Variants in PITPNC1 observed in about 807,000 individuals in gnomAD.
PITPNC1 encodes phosphatidylinositol transfer protein cytoplasmic 1, also known as cytoplasmic phosphatidylinositol transfer protein 1.
A neutral mutation model predicts 44.7 loss-of-function variants in PITPNC1; 18 were observed. The ratio of observed to expected loss-of-function variants is 0.40; its 90% CI spans 0.28 to 0.60. The LOEUF (loss-of-function observed/expected upper bound fraction) is 0.60, where lower values mean the gene tolerates loss of function less well. Ranked by LOEUF, PITPNC1 falls within the 20% of genes least tolerant of loss-of-function variation. The pLI is 0.39. For missense variants in PITPNC1, 290 were observed against 418.4 expected (o/e 0.69, Z 2.68); for synonymous variants, 141 against 149.6 (o/e 0.94, Z 0.42).
chr17:67,530,783 A>G (rs1192352202), intron 1 of PITPNC1, among the ~76,000 whole-genome samples: 2 of 152,198 alleles, frequency 1.3e-5, no homozygotes, highest in East Asian at 3.8e-4. Flanking sequence ...CCATCTGTAT[A>G]AGGTGGCATA....
intron 5 of PITPNC1, among the ~76,000 whole-genome samples, chr17:67,593,998 T>C (rs2041427264): frequency 6.6e-6 from 1 of 152,312 alleles, no homozygotes; most frequent in East Asian, 1.9e-4. Context: ...GGATTGCTCA[T>C]GACAGAGGAT....
chr17:67,524,011 C>T (rs1410244081), intron 1 of PITPNC1, among the ~76,000 whole-genome samples: 1 of 151,900 alleles, frequency 6.6e-6, no homozygotes, highest in Non-Finnish European at 1.5e-5. Context: ...GGGGTTTCAC[C>T]ATCTTGGCCA....
At chr17:67,431,885 C>T (rs565732323) in intron 1 of PITPNC1, among the ~76,000 whole-genome samples, 1 of 152,162 alleles carries the variant, frequency 6.6e-6, no homozygotes, top group African/African-American at 2.4e-5. Flanking sequence ...GTGTTTATTT[C>T]AGCAACATTT....
intron 1 of PITPNC1, among the ~76,000 whole-genome samples, chr17:67,427,378 T>C (rs1355300715): frequency 6.6e-6 from 1 of 151,776 alleles, no homozygotes; most frequent in African/African-American, 2.4e-5. Flanking sequence ...GCCCGGCTAA[T>C]TTTTTTTGTA....
intron 1 of PITPNC1, among the ~76,000 whole-genome samples, chr17:67,462,003 G>A (rs2039344403): frequency 6.6e-6 from 1 of 152,000 alleles, no homozygotes; most frequent in Non-Finnish European, 1.5e-5. Context: ...CCTGTTTCTG[G>A]AAGGGCTTCT....
chr17:67,441,021 T>C (rs1407896119), intron 1 of PITPNC1, among the ~76,000 whole-genome samples: 1 of 152,184 alleles, frequency 6.6e-6, no homozygotes, highest in Non-Finnish European at 1.5e-5. Flanking sequence ...TGTATCAGTC[T>C]TGGGTGCATC....
chr17:67,419,680 C>T (rs1030026908), intron 1 of PITPNC1, among the ~76,000 whole-genome samples: 3 of 152,152 alleles, frequency 2.0e-5, no homozygotes, highest in Admixed American at 6.5e-5. Flanking sequence ...CCGACGCAGG[C>T]GGATAACTTG....
intron 1 of PITPNC1, among the ~76,000 whole-genome samples, chr17:67,413,968 T>C (rs548139469): frequency 1.3e-5 from 2 of 152,198 alleles, no homozygotes; most frequent in Non-Finnish European, 2.9e-5. Flanking sequence ...GTATTGCTAC[T>C]TGATTGTAAA....
At chr17:67,504,573 C>T (rs1444533055) in intron 1 of PITPNC1, among the ~76,000 whole-genome samples, 1 of 152,186 alleles carries the variant, frequency 6.6e-6, no homozygotes, top group Non-Finnish European at 1.5e-5. Flanking sequence ...ACCTGGGAAA[C>T]GTTTTGACAA....
intron 1 of PITPNC1, among the ~76,000 whole-genome samples, chr17:67,479,296 A>C (rs988207883): frequency 3.9e-5 from 6 of 152,190 alleles, no homozygotes; most frequent in Non-Finnish European, 5.9e-5. Context: ...AGAGACAGAC[A>C]AGGGGGAGAA....
chr17:67,681,012 G>C (rs114682796), intron 8 of PITPNC1, among the ~76,000 whole-genome samples: 86 of 152,298 alleles, frequency 5.6e-4, no homozygotes, highest in African/African-American at 2.0e-3. Context: ...CATTGAATTA[G>C]AACAGAAGAC....
chr17:67,495,037 G>GTTTTTTTTTTTTTTTTTTTTTTTT (rs2039925221), intron 1 of PITPNC1, among the ~76,000 whole-genome samples: 4 of 79,402 alleles, frequency 5.0e-5, no homozygotes, highest in Admixed American at 1.7e-4. Context: ...GAGCCATGGA[G>GTTTTTTTTTTTTTTTTTTTTTTTT]TTGTTTTTTT....
In PITPNC1 at chr17:67,692,696, C is replaced by T. The variant is rs1320278243; in HGVS notation, c.807C>T (p.Arg269=). 2 of 1,613,866 alleles carry T rather than the reference C, an allele frequency of 1.2e-6. No homozygotes were observed. ...TCCCCCTGCTGCCTTCTTCCGTCCG[C>T]AGTGCGCCTTCTAGTGCTCCATCCA... The part of the protein sequence containing the change: ...SSIPLLPSSV[R]SAPSSAPSTP... Residue 269 remains arginine (R), a synonymous_variant, in exon 9 of 9, where the codon CGC becomes CGT. Transcript: ENST00000581322.
chr17:67,518,827 C>T (rs772477737), intron 1 of PITPNC1, among the ~76,000 whole-genome samples: 3 of 152,112 alleles, frequency 2.0e-5, no homozygotes, highest in Non-Finnish European at 2.9e-5. Context: ...CCTGTAGTCC[C>T]GGCTACTCCA....
At chr17:67,390,801 C>T (rs62084079) in intron 1 of PITPNC1, among the ~76,000 whole-genome samples, 50,188 of 152,036 alleles carry the variant, frequency 0.33, 10,358 homozygotes, top group African/African-American at 0.59. Flanking sequence ...AGGAGGGAGT[C>T]TGGGGTCACC....
intron 1 of PITPNC1, among the ~76,000 whole-genome samples, chr17:67,460,227 C>G (rs1244392177): frequency 6.6e-6 from 1 of 152,162 alleles, no homozygotes; most frequent in Non-Finnish European, 1.5e-5. Flanking sequence ...CCTGGATTGC[C>G]ATTGTTCCTT....
chr17:67,536,464 T>G (rs2040530529), intron 2 of PITPNC1, among the ~76,000 whole-genome samples: 1 of 152,154 alleles, frequency 6.6e-6, no homozygotes, highest in South Asian at 2.1e-4. Flanking sequence ...TGACCTCAAA[T>G]GATCCACCAG....
intron 8 of PITPNC1, among the ~76,000 whole-genome samples, chr17:67,683,084 C>T (rs1255638896): frequency 6.8e-6 from 1 of 146,900 alleles, no homozygotes; most frequent in East Asian, 2.0e-4. Context: ...CGCTTGAACC[C>T]GGAAGGCCGA....
intron 1 of PITPNC1, among the ~76,000 whole-genome samples, chr17:67,458,041 C>A (rs1006492844): frequency 1.3e-5 from 2 of 152,094 alleles, no homozygotes; most frequent in South Asian, 4.1e-4. Context: ...AGGTAGGATC[C>A]TTTCATGGAT....
Sources: allele counts gnomAD v4.1 joint callset (sites outside exome capture counted in the v4.1 genomes callset), GRCh38; gene constraint gnomAD v4.1.1; transcripts MANE v1.5; gene names NCBI Gene and HGNC (gene_info 2026-07-23, HGNC 2026-07-21).